Variants in INPP5A observed in about 807,000 individuals in gnomAD.
INPP5A encodes the protein 43 kDa inositol polyphosphate 5-phophatase.
INPP5A carries 14 observed loss-of-function variants against 65.2 expected under a neutral mutation model. The ratio of observed to expected loss-of-function variants is 0.21; its 90% CI spans 0.14 to 0.34. The LOEUF is 0.34. Among genes scored for constraint, INPP5A ranks in the 10% least tolerant of loss-of-function variants. The pLI is 1.00. For synonymous variants in INPP5A, 207 were observed against 208.3 expected, an observed-to-expected ratio of 0.99 and a Z score of 0.05; for missense variants, 431 against 545.6, an observed-to-expected ratio of 0.79 and a Z score of 2.09.
At chr10:132,754,110 T>G (rs985102113) in intron 11 of INPP5A, 4 of 152,068 alleles carry the variant, frequency 2.6e-5, no homozygotes, top group African/African-American at 9.7e-5. Context: ...CTCCGACTTC[T>G]CAGAACCAGT....
intron 9 of INPP5A, among the ~76,000 whole-genome samples, chr10:132,730,055 C>T (rs1241283105): frequency 2.6e-5 from 4 of 152,228 alleles, no homozygotes; most frequent in African/African-American, 9.6e-5. Context: ...TGTTTTTTAT[C>T]ACTTTCCCAT....
At chr10:132,559,542 G>T (rs1172098884) in intron 1 of INPP5A, among the ~76,000 whole-genome samples, 2 of 152,214 alleles carry the variant, frequency 1.3e-5, no homozygotes, top group Non-Finnish European at 2.9e-5. Context: ...TTCTGTCTCT[G>T]TGGATTGACC....
intron 4 of INPP5A, among the ~76,000 whole-genome samples, chr10:132,671,709 G>A (rs975585511): frequency 5.9e-5 from 9 of 152,214 alleles, no homozygotes; most frequent in Non-Finnish European, 1.0e-4. Context: ...TGTTTCATGT[G>A]CCTTACATGT....
chr10:132,756,295 AGTGTG>A (rs895852063), intron 11 of INPP5A, among the ~76,000 whole-genome samples: 8 of 151,706 alleles, frequency 5.3e-5, no homozygotes, highest in Non-Finnish European at 1.2e-4. Context: ...CATGTGCACT[AGTGTG>A]TGTGGTGTAT....
At chr10:132,658,867 G>A (rs2072696325) in intron 4 of INPP5A, among the ~76,000 whole-genome samples, 1 of 152,124 alleles carries the variant, frequency 6.6e-6, no homozygotes, top group African/African-American at 2.4e-5. Context: ...GCTGCTCCCG[G>A]TGGCTCCATG....
At chr10:132,617,907 C>G (rs531743892) in intron 2 of INPP5A, among the ~76,000 whole-genome samples, 6 of 152,344 alleles carry the variant, frequency 3.9e-5, no homozygotes, top group Non-Finnish European at 8.8e-5. Context: ...ACAGCTTACT[C>G]TCTCTGCCTT....
chr10:132,646,339 C>T lies in INPP5A; in HGVS notation c.218+371C>T, dbSNP rs4880270. Among the ~76,000 whole-genome samples, 257 of 152,312 alleles carry T rather than the reference C, an allele frequency of 1.7e-3. 5 individuals are homozygous for T. Among genetic ancestry groups the T allele is most frequent in the Admixed American group, 0.014 (217 of 15,304 alleles). On this transcript the variant is annotated intron_variant, in intron 3 of 15. Transcript: ENST00000368594. The stretch of plus-strand genomic sequence containing the variant: ...GCGCAGTCTGTCTCAAGGAGGTCGG[C>T]AGGGAGCGTCTATCCTCCTTGGGGG...
In INPP5A at chr10:132,549,842, G is replaced by A. The variant is rs2071028034; in HGVS notation, c.75+11671G>A. Among the ~76,000 whole-genome samples, 1 of 152,256 alleles carries A rather than the reference G, an allele frequency of 6.6e-6. No homozygotes were observed. Among genetic ancestry groups the A allele is most frequent in the Non-Finnish European group, 1.5e-5 (1 of 68,052 alleles). Reference sequence around the variant, plus strand: ...ATTGGTGTGACGTCTGAGTCACTGTGCCTTAGAGTACGGAGTCAGCCTCAA... The same window carrying A: ...ATTGGTGTGACGTCTGAGTCACTGTACCTTAGAGTACGGAGTCAGCCTCAA... On this transcript the variant is annotated intron_variant, in intron 1 of 15. Coordinates refer to ENST00000368594, the MANE Select transcript of INPP5A (RefSeq NM_005539.5). This position sits in a 1 kb window ranked among gnomAD's most constrained non-coding sequence, Gnocchi z 4.9.
At chr10:132,699,431 G>T (rs987332392) in intron 6 of INPP5A, among the ~76,000 whole-genome samples, 2 of 152,144 alleles carry the variant, frequency 1.3e-5, no homozygotes, top group Non-Finnish European at 2.9e-5. Flanking sequence ...GCTGTGGGTG[G>T]CTGGGCTGGT....
chr10:132,650,654 TTGG>T lies in INPP5A; in HGVS notation c.306+154_306+156del, dbSNP rs1313520628. The T allele has an allele frequency of 2.2e-5, 14 of 643,290 alleles. No homozygotes were observed. The highest frequency in any genetic ancestry group is 1.9e-4 in the Admixed American group (8 of 41,374). The allele number at this position is 643,290 out of a possible 1,614,324, so 39.8% of individuals were successfully genotyped here. A position where few individuals can be genotyped will look rare whatever the true frequency, so the allele number is the denominator to read the frequency against. On this transcript the variant is annotated intron_variant, in intron 4 of 15. Coordinates refer to ENST00000368594, the MANE Select transcript of INPP5A (RefSeq NM_005539.5). This position sits in a 1 kb window ranked among gnomAD's most constrained non-coding sequence, Gnocchi z 5.5. ...CCTGCCTGGCACTCCCGCAGCCTGCTTGGTGGTCTGCTCGTGGTCTGAGCCCAT... is the reference window on the plus strand; with the variant it reads ...CCTGCCTGGCACTCCCGCAGCCTGCTTGGTCTGCTCGTGGTCTGAGCCCAT...
intron 8 of INPP5A, among the ~76,000 whole-genome samples, chr10:132,723,766 G>A (rs565532399): frequency 5.3e-5 from 8 of 152,242 alleles, no homozygotes; most frequent in Admixed American, 3.3e-4. Flanking sequence ...CCCGCTGGCC[G>A]GCGGGCGTTG....
intron 4 of INPP5A, among the ~76,000 whole-genome samples, chr10:132,671,860 T>A (rs1339093225): frequency 6.6e-6 from 1 of 152,192 alleles, no homozygotes; most frequent in Non-Finnish European, 1.5e-5. Flanking sequence ...AACTTGGTTC[T>A]GGCCTCAGAG....
At position 132,698,031 on chromosome 10, in the gene INPP5A, T is replaced by C; in HGVS notation, c.474+112T>C. ...CACTGTTACTAGTCACAGCTGCCTG[T>C]TGTTACCTCCGATAATCTGTCTTCC... On this transcript the variant is annotated intron_variant, in intron 6 of 15. Coordinates refer to ENST00000368594, the MANE Select transcript of INPP5A (RefSeq NM_005539.5). This position sits in a 1 kb window ranked among gnomAD's most constrained non-coding sequence, Gnocchi z 5.5. 1.4e-6 allele frequency: 1 copy of C among 714,804 alleles called. No individual in the cohort carries two copies. The highest frequency in any genetic ancestry group is 2.5e-6 in the Non-Finnish European group (1 of 397,922). The allele number at this position is 714,804 out of a possible 1,614,324, so 44.3% of individuals were successfully genotyped here.
At chr10:132,700,150 G>A (rs1317035310) in intron 6 of INPP5A, among the ~76,000 whole-genome samples, 1 of 152,214 alleles carries the variant, frequency 6.6e-6, no homozygotes, top group Non-Finnish European at 1.5e-5. Flanking sequence ...CCAGTGTTGT[G>A]CAGTGTTGTG....
intron 1 of INPP5A, among the ~76,000 whole-genome samples, chr10:132,607,546 C>A (rs1006123350): frequency 9.8e-5 from 15 of 152,358 alleles, no homozygotes; most frequent in African/African-American, 3.6e-4. Context: ...AAGGTGCCAC[C>A]GTCTTGCTTG....
chr10:132,682,455 G>A (rs896352022), intron 4 of INPP5A, among the ~76,000 whole-genome samples: 2 of 152,260 alleles, frequency 1.3e-5, no homozygotes, highest in African/African-American at 4.8e-5. Flanking sequence ...AACTATGCTA[G>A]TATAATGAAG....
chr10:132,651,329 A>T lies in INPP5A; in HGVS notation c.306+824A>T, dbSNP rs113772447. ...GGAGGCCCTGGGTCCCCCGGCCTGG[A>T]TCCATCTCCCCCGTCTCTGGGGAGG... is the stretch of plus-strand genomic sequence containing the variant. On this transcript the variant is annotated intron_variant, in intron 4 of 15. Coordinates refer to ENST00000368594, the MANE Select transcript of INPP5A (RefSeq NM_005539.5). The surrounding 1 kb of genome is among the most constrained non-coding windows in gnomAD (Gnocchi z 5.0). 6.6e-5 allele frequency among the ~76,000 whole-genome samples: 6 copies of T among 90,728 alleles called. No homozygotes were observed. The highest frequency in any genetic ancestry group is 3.3e-4 in the East Asian group (1 of 3,050). 59.5% of individuals were successfully genotyped at this position (90,728 alleles called of 152,430 possible). A position where few individuals can be genotyped will look rare whatever the true frequency, so the allele number is the denominator to read the frequency against.
chr10:132,713,465 C>T (rs575867880), intron 8 of INPP5A, among the ~76,000 whole-genome samples: 109 of 152,244 alleles, frequency 7.2e-4, no homozygotes, highest in African/African-American at 2.4e-3. Flanking sequence ...CCACAGGGCT[C>T]TGCACAAGGA....
chr10:132,680,715 T>G, intron 4 of INPP5A, among the ~76,000 whole-genome samples: 1 of 152,226 alleles, frequency 6.6e-6, no homozygotes, highest in East Asian at 1.9e-4. Flanking sequence ...GCCAGCTGGA[T>G]TTCCGGGTGG....
Sources: gnomAD v4.1 joint callset for allele counts (sites outside exome capture counted in the v4.1 genomes callset) on GRCh38, gnomAD v4.1.1 for gene constraint, Gnocchi (gnomAD v3.1) non-coding constraint, MANE v1.5 for transcripts, NCBI Gene and HGNC (gene_info 2026-07-23, HGNC 2026-07-21) for gene names.